The following RGS19 variants were observed in gnomAD, a reference collection of about 807,000 sequenced individuals.
RGS19 encodes regulator of G protein signaling 19, also known as G alpha interacting protein.
In RGS19, 9 loss-of-function variants were observed where a neutral mutation model predicts 22.0. The ratio of observed to expected loss-of-function variants is 0.41; its 90% CI spans 0.25 to 0.71. The LOEUF (loss-of-function observed/expected upper bound fraction) is 0.71. RGS19 is among the 30% of genes least tolerant of loss of function. The pLI is 0.32. For missense variants in RGS19, 256 were observed against 307.1 expected, an observed-to-expected ratio of 0.83 and a Z score of 1.24; for synonymous variants, 130 against 127.3, an observed-to-expected ratio of 1.02 and a Z score of -0.14.
In RGS19 at chr20:64,075,169, C is replaced by A. The variant is rs2059895322; in HGVS notation, c.153-628G>T. ...GAACAGGGCCACCCATGGGAATGTGCCTGGGAACAGGGCCACCCTGCTCCT... is the reference window on the plus strand; with the variant it reads ...GAACAGGGCCACCCATGGGAATGTGACTGGGAACAGGGCCACCCTGCTCCT... On this transcript the variant is annotated intron_variant, in intron 3 of 5. Coordinates refer to ENST00000395042, the MANE Select transcript of RGS19 (RefSeq NM_005873.3). This position sits in a 1 kb window ranked among gnomAD's most constrained non-coding sequence, Gnocchi z 4.6. 1.3e-5 allele frequency among the ~76,000 whole-genome samples: 2 copies of A among 152,050 alleles called. No individual in the cohort carries two copies. The highest frequency in any genetic ancestry group is 1.5e-5 in the Non-Finnish European group (1 of 68,004).
In RGS19 at chr20:64,079,275, C is replaced by T. The variant is rs956846545; in HGVS notation, c.-69+19G>A. 5.2e-5 allele frequency: 8 copies of T among 152,428 alleles called. No homozygotes were observed. Among genetic ancestry groups the T allele is most frequent in the African/African-American group, 1.7e-4 (7 of 41,562 alleles). The allele number at this position is 152,428 out of a possible 1,614,324, so 9.4% of individuals were successfully genotyped here. On this transcript the variant is annotated intron_variant, in intron 1 of 5. Transcript: ENST00000395042. The surrounding 1 kb of genome is among the most constrained non-coding windows in gnomAD (Gnocchi z 5.1). ...CAGCCTCTGACGCCCCCACCCCTACCTCAAAGCTCCCTACTCACCAGCGAC... is the reference window on the plus strand; with the variant it reads ...CAGCCTCTGACGCCCCCACCCCTACTTCAAAGCTCCCTACTCACCAGCGAC...
rs988961295 is a variant in RGS19 at position 64,075,002 on chromosome 20, G to T, written c.153-461C>A. Among the ~76,000 whole-genome samples, 2 of 152,218 alleles carry T rather than the reference G, an allele frequency of 1.3e-5. No homozygotes were observed. The highest frequency in any genetic ancestry group is 1.3e-4 in the Admixed American group (2 of 15,288). ...CTTCTGCCTCTGCTCCCCTGGGGGA[G>T]ATGGGGTGGGGCAAGATGAGGGGCC... On this transcript the variant is annotated intron_variant, in intron 3 of 5. Transcript: ENST00000395042. The surrounding 1 kb of genome is among the most constrained non-coding windows in gnomAD (Gnocchi z 4.6).
At chr20:64,077,385 G>A (rs2059913936) in intron 1 of RGS19, among the ~76,000 whole-genome samples, 1 of 152,184 alleles carries the variant, frequency 6.6e-6, no homozygotes, top group Non-Finnish European at 1.5e-5. Flanking sequence ...GGAGTGGGCA[G>A]AGTGGCTTCC....
chr20:64,079,845 G>T (rs2059946507), upstream of RGS19: 1 of 149,908 alleles, frequency 6.7e-6, no homozygotes, highest in Non-Finnish European at 1.5e-5. The surrounding 1 kb of genome is among the most constrained non-coding windows in gnomAD (Gnocchi z 5.1). Context: ...CAGGGCCGCT[G>T]TCCCCGGCGC....
rs951574203 is a variant in RGS19, at chr20:64,073,446, G to A, written c.*407C>T. 5.9e-6 allele frequency: 1 copy of A among 169,246 alleles called. No homozygotes were observed. Among genetic ancestry groups the A allele is most frequent in the African/African-American group, 2.4e-5 (1 of 41,926 alleles). The allele number at this position is 169,246 out of a possible 1,614,324, so 10.5% of individuals were successfully genotyped here. A position where few individuals can be genotyped will look rare whatever the true frequency, so the allele number is the denominator to read the frequency against. On this transcript the variant is annotated 3_prime_UTR_variant, in exon 6 of 6. Transcript: ENST00000395042. ...GTCTCCTTATGTCACAAAACTACAC[G>A]ATGCGGAGGTTCTGTTCCCCACCAA... is the stretch of plus-strand genomic sequence containing the variant.
chr20:64,079,366 G>A lies in RGS19; in HGVS notation c.-141C>T, dbSNP rs1435195092. 1 of 152,154 alleles carries A rather than the reference G, an allele frequency of 6.6e-6. No homozygotes were observed. The highest frequency in any genetic ancestry group is 1.5e-5 in the Non-Finnish European group (1 of 68,014). 9.4% of individuals were successfully genotyped at this position (152,154 alleles called of 1,614,324 possible). ...GGGCCCCACCCTGGCTGCCGAAGGG[G>A]CGTGCACTGCAGCAGCAGGGACTCA... On this transcript the variant is annotated 5_prime_UTR_variant, in exon 1 of 6. Coordinates refer to ENST00000395042, the MANE Select transcript of RGS19 (RefSeq NM_005873.3). The surrounding 1 kb of genome is among the most constrained non-coding windows in gnomAD (Gnocchi z 5.1).
At chr20:64,074,730 C>T (rs770275003) in intron 3 of RGS19, among the ~76,000 whole-genome samples, 189 bp from the exon 4 acceptor site, 78 of 152,360 alleles carry the variant, frequency 5.1e-4, no homozygotes, top group East Asian at 1.2e-3. Context: ...TTCCCACACT[C>T]TCCCACACTC....
rs2059937077 is a variant in RGS19, at chr20:64,079,176, C to T, written c.-69+118G>A. 1 of 152,080 alleles carries T rather than the reference C, an allele frequency of 6.6e-6. No individual in the cohort carries two copies. Among genetic ancestry groups the T allele is most frequent in the East Asian group, 1.9e-4 (1 of 5,146 alleles). 9.4% of individuals were successfully genotyped at this position (152,080 alleles called of 1,614,324 possible). A position where few individuals can be genotyped will look rare whatever the true frequency, so the allele number is the denominator to read the frequency against. Reference sequence around the variant, plus strand: ...CTCTGAAATGGTGGTGGTGGCCCACCCACCACGCTCCTCTCTCTGCTGTTA... The same window carrying T: ...CTCTGAAATGGTGGTGGTGGCCCACTCACCACGCTCCTCTCTCTGCTGTTA... On this transcript the variant is annotated intron_variant, in intron 1 of 5. Transcript: ENST00000395042. This position sits in a 1 kb window ranked among gnomAD's most constrained non-coding sequence, Gnocchi z 5.1.
chr20:64,073,814 G>A lies in RGS19; in HGVS notation c.*39C>T. ...AACACCTGAAGGGAACCCAGAGTCG[G>A]CCGTAGGAGGCGGCGGGGTCTGTGC... On this transcript the variant is annotated 3_prime_UTR_variant, in exon 6 of 6. Transcript: ENST00000395042. 6.5e-7 allele frequency: 1 copy of A among 1,542,106 alleles called. No individual in the cohort carries two copies. The highest frequency in any genetic ancestry group is 1.2e-5 in the South Asian group (1 of 85,096).
intron 3 of RGS19, among the ~76,000 whole-genome samples, 176 bp from the exon 4 acceptor site, chr20:64,074,717 C>T (rs2059891340): frequency 6.6e-6 from 1 of 152,236 alleles, no homozygotes; most frequent in Non-Finnish European, 1.5e-5. Context: ...CTGGAGCTGG[C>T]TCTTCCCACA....
chr20:64,073,708 C>A lies in RGS19; in HGVS notation c.*145G>T. On this transcript the variant is annotated 3_prime_UTR_variant, in exon 6 of 6. Coordinates refer to ENST00000395042, the MANE Select transcript of RGS19 (RefSeq NM_005873.3). ...GTGGGCAGACCCAGGAGACACAGCA[C>A]TCCCCACTGGGTCTAGGACCGTCTC... 1 of 691,614 alleles carries A rather than the reference C, an allele frequency of 1.4e-6. No homozygotes were observed. The allele number at this position is 691,614 out of a possible 1,614,324, so 42.8% of individuals were successfully genotyped here.
intron 1 of RGS19, among the ~76,000 whole-genome samples, chr20:64,078,576 G>C (rs2059929775): frequency 6.6e-6 from 1 of 152,212 alleles, no homozygotes; most frequent in Non-Finnish European, 1.5e-5. Flanking sequence ...ACGTGTTTAG[G>C]GGTGCAGGGC....
chr20:64,077,488 G>T (rs1160009784), intron 1 of RGS19, among the ~76,000 whole-genome samples: 1 of 152,206 alleles, frequency 6.6e-6, no homozygotes, highest in African/African-American at 2.4e-5. Context: ...GTGGGACTCA[G>T]GCTGGACTTG....
intron 1 of RGS19, among the ~76,000 whole-genome samples, chr20:64,078,135 C>T (rs75908120): frequency 0.016 from 564 of 35,122 alleles, 13 homozygotes; most frequent in African/African-American, 0.038. Context: ...GTGTGAATGG[C>T]CCTCAGAAGA....
At position 64,074,532 on chromosome 20, in the gene RGS19, C is replaced by T. The variant is rs540160373; in HGVS notation, c.162G>A (p.Glu54=). 1.2e-4 allele frequency: 181 copies of T among 1,559,390 alleles called. 2 individuals carry two copies. The South Asian group carries it at 2.0e-3, about 17-fold the overall frequency. ...CCCCSCSWNQ[E]RRRAWQASRE... is the part of the protein sequence containing the mutation. ...GGGAGGCCTGCCACGCGCGCCGCCGCTCTTGGTTCCTAGTGGCAGAGAGGA... is the reference window on the plus strand; with the variant it reads ...GGGAGGCCTGCCACGCGCGCCGCCGTTCTTGGTTCCTAGTGGCAGAGAGGA... Residue 54 remains glutamate (E), a synonymous_variant, in exon 4 of 6, where the codon GAG becomes GAA. Transcript: ENST00000395042.
chr20:64,078,517 T>C (rs996525175), intron 1 of RGS19, among the ~76,000 whole-genome samples: 1 of 152,188 alleles, frequency 6.6e-6, no homozygotes, highest in African/African-American at 2.4e-5. Context: ...CCCCTGAGAC[T>C]GTCCCCCTGG....
rs564153597 is a variant in RGS19 at position 64,079,428 on chromosome 20, A to C, written c.-203T>G. 1 of 151,702 alleles carries C rather than the reference A, an allele frequency of 6.6e-6. No homozygotes were observed. The highest frequency in any genetic ancestry group is 2.0e-4 in the East Asian group (1 of 5,116). The allele number at this position is 151,702 out of a possible 1,614,324, so 9.4% of individuals were successfully genotyped here. A position where few individuals can be genotyped will look rare whatever the true frequency, so the allele number is the denominator to read the frequency against. ...AGGAGGGACTCCTGCGGCGCTCTGG[A>C]GGGAGGCTAGCGCCAGGAGCCCCCG... On this transcript the variant is annotated 5_prime_UTR_variant, in exon 1 of 6. Coordinates refer to ENST00000395042, the MANE Select transcript of RGS19 (RefSeq NM_005873.3). The surrounding 1 kb of genome is among the most constrained non-coding windows in gnomAD (Gnocchi z 5.1).
Position 64,074,354 on chromosome 20 carries a change from C to T in RGS19, c.252G>A (p.Val84=), listed in dbSNP as rs754020182. ...EVCATPSPEE[V]QSWAQSFDKL... ...TGTCAAAAGACTGCGCCCAGCTCTG[C>T]ACCTCCTCAGGACTTGGCGTGGCAC... Residue 84 remains valine, a synonymous_variant, in exon 5 of 6, where the codon GTG becomes GTA. Coordinates refer to ENST00000395042, the MANE Select transcript of RGS19 (RefSeq NM_005873.3). 12 of 1,611,172 alleles carry T rather than the reference C, an allele frequency of 7.4e-6. No homozygotes were observed. The highest frequency in any genetic ancestry group is 6.6e-5 in the South Asian group (6 of 90,876).
rs2059871540 is a variant in RGS19, at chr20:64,073,458, C to T, written c.*395G>A. Reference sequence around the variant, plus strand: ...CACAAAACTACACGATGCGGAGGTTCTGTTCCCCACCAAAGGCTTGTCTGG... The same window carrying T: ...CACAAAACTACACGATGCGGAGGTTTTGTTCCCCACCAAAGGCTTGTCTGG... On this transcript the variant is annotated 3_prime_UTR_variant, in exon 6 of 6. Transcript: ENST00000395042. The T allele has an allele frequency of 5.5e-6, 1 of 181,312 alleles. No homozygotes were observed. Among genetic ancestry groups the T allele is most frequent in the Non-Finnish European group, 1.2e-5 (1 of 86,476 alleles). The allele number at this position is 181,312 out of a possible 1,614,324, so 11.2% of individuals were successfully genotyped here. A position where few individuals can be genotyped will look rare whatever the true frequency, so the allele number is the denominator to read the frequency against.
Sources: gnomAD v4.1 joint callset for allele counts (sites outside exome capture counted in the v4.1 genomes callset) on GRCh38, gnomAD v4.1.1 for gene constraint, Gnocchi (gnomAD v3.1) non-coding constraint, MANE v1.5 for transcripts, NCBI Gene and HGNC (gene_info 2026-07-23, HGNC 2026-07-21) for gene names.